Variants in SORCS3 observed in about 807,000 individuals in gnomAD.
The protein encoded by SORCS3 is VPS10 domain-containing receptor SorCS3.
SORCS3 carries 57 observed loss-of-function variants against 146.3 expected under a neutral mutation model. The observed-to-expected ratio is 0.39, with a 90% CI of 0.31 to 0.49. The LOEUF (loss-of-function observed/expected upper bound fraction) is 0.49. SORCS3 is among the 20% of genes least tolerant of loss of function. SORCS3 has a pLI of 0.92. For missense variants in SORCS3, 1,341 were observed against 1,575.5 expected (o/e 0.85, Z 2.52); for synonymous variants, 653 against 618.5 (o/e 1.06, Z -0.83).
intron 1 of SORCS3, among the ~76,000 whole-genome samples, chr10:104,796,575 G>C (rs772315489): frequency 1.3e-5 from 2 of 152,050 alleles, no homozygotes; most frequent in Admixed American, 6.5e-5. Context: ...TTTATGGCAG[G>C]TGATACTGTT....
chr10:104,852,778 C>T (rs192454777), intron 2 of SORCS3, among the ~76,000 whole-genome samples: 28 of 152,250 alleles, frequency 1.8e-4, no homozygotes, highest in East Asian at 5.8e-4. Flanking sequence ...TTTATAATGA[C>T]GACCATAAAG....
At chr10:105,248,032 T>A (rs1301573963) in intron 22 of SORCS3, among the ~76,000 whole-genome samples, 1 of 152,176 alleles carries the variant, frequency 6.6e-6, no homozygotes, top group East Asian at 1.9e-4. Flanking sequence ...CAGATTGCAC[T>A]CAGAAGGCTA....
chr10:105,257,369 CA>C (rs1191073725), intron 25 of SORCS3, among the ~76,000 whole-genome samples: 11 of 152,140 alleles, frequency 7.2e-5, no homozygotes, highest in African/African-American at 2.7e-4. Flanking sequence ...TGCAGCTATT[CA>C]GCATCTCTCT....
chr10:105,095,348 T>G (rs1452112030), intron 6 of SORCS3, among the ~76,000 whole-genome samples: 1 of 152,276 alleles, frequency 6.6e-6, no homozygotes, highest in Admixed American at 6.5e-5. Flanking sequence ...AGACTGTGAC[T>G]GTGGTGGTAG....
intron 4 of SORCS3, among the ~76,000 whole-genome samples, chr10:104,988,879 TA>T (rs1457594959): frequency 6.6e-5 from 10 of 152,218 alleles, no homozygotes; most frequent in African/African-American, 2.4e-4. Flanking sequence ...GCATGATGAA[TA>T]TTTTTATAAT....
intron 2 of SORCS3, among the ~76,000 whole-genome samples, chr10:104,908,846 A>G (rs898388768): frequency 6.6e-6 from 1 of 152,140 alleles, no homozygotes; most frequent in African/African-American, 2.4e-5. Flanking sequence ...AAAGGAGACA[A>G]TCTGAACATT....
intron 1 of SORCS3, among the ~76,000 whole-genome samples, chr10:104,679,212 AC>A (rs1320814979): frequency 6.6e-6 from 1 of 152,170 alleles, no homozygotes; most frequent in Admixed American, 6.5e-5. Flanking sequence ...TTTGGAATCT[AC>A]CTTCAGAATT....
intron 7 of SORCS3, among the ~76,000 whole-genome samples, chr10:105,129,073 C>G (rs1336761196): frequency 1.3e-5 from 2 of 152,090 alleles, no homozygotes; most frequent in African/African-American, 4.8e-5. Context: ...CTTCTCCTCT[C>G]TCACCATTTT....
intron 5 of SORCS3, among the ~76,000 whole-genome samples, chr10:105,072,050 G>T (rs1166164898): frequency 6.6e-6 from 1 of 152,198 alleles, no homozygotes; most frequent in Non-Finnish European, 1.5e-5. Context: ...AGAAGTATCA[G>T]CATTTTAAGC....
At chr10:104,972,054 A>G (rs902320871) in intron 3 of SORCS3, among the ~76,000 whole-genome samples, 48 of 152,188 alleles carry the variant, frequency 3.2e-4, no homozygotes, top group Admixed American at 3.1e-3. Context: ...GGGGCAGTTT[A>G]CTAGTAATAA....
chr10:104,869,160 C>A (rs2018490346), intron 2 of SORCS3, among the ~76,000 whole-genome samples: 1 of 151,554 alleles, frequency 6.6e-6, no homozygotes, highest in Non-Finnish European at 1.5e-5. Context: ...ATATAATATA[C>A]AAATATATAT....
At chr10:104,864,466 G>A (rs1437156606) in intron 2 of SORCS3, among the ~76,000 whole-genome samples, 2 of 152,090 alleles carry the variant, frequency 1.3e-5, no homozygotes, top group Non-Finnish European at 2.9e-5. Context: ...TCCCTTCAGG[G>A]TTCAGCTCCC....
At chr10:104,795,526 C>T (rs1392588090) in intron 1 of SORCS3, among the ~76,000 whole-genome samples, 2 of 152,210 alleles carry the variant, frequency 1.3e-5, no homozygotes, top group African/African-American at 2.4e-5. Context: ...ACAGGTTCTT[C>T]CCTACAAGAA....
At chr10:104,661,774 C>T (rs1297863592) in intron 1 of SORCS3, among the ~76,000 whole-genome samples, 1 of 152,166 alleles carries the variant, frequency 6.6e-6, no homozygotes, top group Admixed American at 6.5e-5. Context: ...TTCCTAATTG[C>T]ACTTCAGTAC....
rs1490633349 is a variant in SORCS3, at chr10:105,252,670, T to C, written c.3106-105T>C. On this transcript the variant is annotated intron_variant, in intron 22 of 26. Transcript: ENST00000369701. ...GAGCCTGTGCCTAAAAAGCTGCATTTGAAAAACTCACATGAGCCATCTGGC... is the reference window on the plus strand; with the variant it reads ...GAGCCTGTGCCTAAAAAGCTGCATTCGAAAAACTCACATGAGCCATCTGGC... 11 of 1,440,650 alleles carry C rather than the reference T, an allele frequency of 7.6e-6. No individual in the cohort carries two copies. In the East Asian group the frequency reaches 1.8e-4, roughly 24 times the overall value. The allele number at this position is 1,440,650 out of a possible 1,614,324, so 89.2% of individuals were successfully genotyped here. A position where few individuals can be genotyped will look rare whatever the true frequency, so the allele number is the denominator to read the frequency against.
intron 2 of SORCS3, among the ~76,000 whole-genome samples, chr10:104,900,582 T>C (rs543343546): frequency 6.6e-6 from 1 of 152,174 alleles, no homozygotes; most frequent in Admixed American, 6.5e-5. Flanking sequence ...ACTTATCCCC[T>C]CTTATGCCCG....
intron 1 of SORCS3, among the ~76,000 whole-genome samples, chr10:104,682,349 G>A (rs1367491615): frequency 1.3e-5 from 2 of 152,204 alleles, no homozygotes; most frequent in Non-Finnish European, 2.9e-5. Context: ...ACTCTTGCAC[G>A]TATCACCTTT....
intron 2 of SORCS3, among the ~76,000 whole-genome samples, chr10:104,868,546 A>G (rs1470589342): frequency 1.3e-5 from 2 of 152,256 alleles, no homozygotes; most frequent in African/African-American, 4.8e-5. Context: ...CTTCCAGGCC[A>G]GACTTTGTCC....
intron 1 of SORCS3, among the ~76,000 whole-genome samples, chr10:104,753,890 T>C (rs1371154949): frequency 6.6e-6 from 1 of 152,222 alleles, no homozygotes; most frequent in Non-Finnish European, 1.5e-5. Flanking sequence ...GACCATATTT[T>C]CAGAAGCCTC....
Sources: gnomAD v4.1 joint callset for allele counts (sites outside exome capture counted in the v4.1 genomes callset) on GRCh38, gnomAD v4.1.1 for gene constraint, MANE v1.5 for transcripts, NCBI Gene and HGNC (gene_info 2026-07-23, HGNC 2026-07-21) for gene names.